Variants in MMD2 observed in about 807,000 individuals in gnomAD.
MMD2 encodes the protein monocyte to macrophage differentiation associated 2.
Under a neutral mutation model 33.5 loss-of-function variants are expected in MMD2, and 30 were observed. The observed-to-expected ratio is 0.90, with a 90% CI of 0.67 to 1.22. The LOEUF (loss-of-function observed/expected upper bound fraction) is 1.22, where lower values mean the gene tolerates loss of function less well. MMD2 is among the 50% of genes most tolerant of loss of function. MMD2 has a pLI of 0.00. For synonymous variants in MMD2, 129 were observed against 123.0 expected (o/e 1.05, Z -0.32); for missense variants, 364 against 325.4 (o/e 1.12, Z -0.91).
chr7:4,920,985 G>C (rs1785268736), intron 2 of MMD2, among the ~76,000 whole-genome samples: 1 of 152,164 alleles, frequency 6.6e-6, no homozygotes, highest in South Asian at 2.1e-4. Context: ...CCAAAGGATT[G>C]GGATTATAGG....
intron 1 of MMD2, among the ~76,000 whole-genome samples, chr7:4,937,039 A>G (rs1183974029): frequency 2.0e-5 from 3 of 149,100 alleles, no homozygotes; most frequent in African/African-American, 7.4e-5. Context: ...CCCAGCCCAC[A>G]CAGTCTTTAA....
In MMD2 at chr7:4,946,117, G is replaced by A. The variant is rs150167995; in HGVS notation, c.47+12854C>T. Among the ~76,000 whole-genome samples the A allele has an allele frequency of 1.4e-3, 197 of 145,610 alleles. 2 individuals are homozygous for A. The highest frequency in any genetic ancestry group is 4.9e-3 in the African/African-American group (192 of 39,176). On this transcript the variant is annotated intron_variant, in intron 1 of 6. Coordinates refer to ENST00000401401, the MANE Select transcript of MMD2 (RefSeq NM_198403.4). The surrounding 1 kb of genome is among the most constrained non-coding windows in gnomAD (Gnocchi z 5.0). Reference sequence around the variant, plus strand: ...CACACACGCATGCACACGCGCACACGCACGCACACACCTGCACACGCACGC... The same window carrying A: ...CACACACGCATGCACACGCGCACACACACGCACACACCTGCACACGCACGC...
intron 1 of MMD2, among the ~76,000 whole-genome samples, chr7:4,929,310 C>G (rs563206039): frequency 6.6e-6 from 1 of 152,168 alleles, no homozygotes; most frequent in African/African-American, 2.4e-5. Flanking sequence ...ACACCAACCC[C>G]CATCTCCCAC....
chr7:4,913,277 A>T (rs1156546684), intron 4 of MMD2, among the ~76,000 whole-genome samples: 1 of 152,202 alleles, frequency 6.6e-6, no homozygotes, highest in Middle Eastern at 3.2e-3. Context: ...ATCTTTTTTA[A>T]TTAAAAGTAT....
chr7:4,920,626 T>C (rs1480016932), intron 2 of MMD2, among the ~76,000 whole-genome samples: 2 of 149,948 alleles, frequency 1.3e-5, no homozygotes, highest in Admixed American at 1.3e-4. Flanking sequence ...TTTCCTTTCC[T>C]TTTTTTCTTT....
intron 1 of MMD2, among the ~76,000 whole-genome samples, chr7:4,947,339 G>T (rs1023953154): frequency 6.6e-6 from 1 of 152,092 alleles, no homozygotes; most frequent in African/African-American, 2.4e-5. Flanking sequence ...AGCAAAGGGG[G>T]AGCAGGTGTC....
chr7:4,904,363 C>G (rs1784833191), downstream of MMD2, among the ~76,000 whole-genome samples: 1 of 152,144 alleles, frequency 6.6e-6, no homozygotes, highest in Admixed American at 6.5e-5. Flanking sequence ...CAGAGGACAT[C>G]CAGGGTCTGG....
chr7:4,942,305 GC>G (rs1469667754), intron 1 of MMD2, among the ~76,000 whole-genome samples: 1 of 150,078 alleles, frequency 6.7e-6, no homozygotes, highest in East Asian at 2.0e-4. Context: ...TTGCCATGTT[GC>G]CCAGGCTGTT....
chr7:4,899,431 C>T, the MMD2 span, among the ~76,000 whole-genome samples: 25 of 152,006 alleles, frequency 1.6e-4, no homozygotes, highest in South Asian at 6.2e-4. Flanking sequence ...CTTTGTCGCC[C>T]AGGCTGGAGT....
chr7:4,913,264 C>T (rs916096069), intron 4 of MMD2, among the ~76,000 whole-genome samples: 11 of 152,264 alleles, frequency 7.2e-5, no homozygotes, highest in South Asian at 2.1e-4. Context: ...TAAAGTTATA[C>T]ACATCTTTTT....
chr7:4,900,996 C>G (rs548371860), downstream of MMD2, among the ~76,000 whole-genome samples: 1 of 150,818 alleles, frequency 6.6e-6, no homozygotes, highest in African/African-American at 2.4e-5. Context: ...AAAAATTAGC[C>G]GGGTATGGTG....
At chr7:4,950,245 T>C (rs1464651375) in intron 1 of MMD2, among the ~76,000 whole-genome samples, 1 of 152,058 alleles carries the variant, frequency 6.6e-6, no homozygotes, top group Non-Finnish European at 1.5e-5. Flanking sequence ...ATTACAGGCA[T>C]GCACCACCAG....
intron 1 of MMD2, among the ~76,000 whole-genome samples, chr7:4,941,761 G>T (rs1785918903): frequency 6.6e-6 from 1 of 151,466 alleles, no homozygotes; most frequent in Non-Finnish European, 1.5e-5. Context: ...TAGGTAAATT[G>T]CATGTCACGG....
intron 1 of MMD2, among the ~76,000 whole-genome samples, chr7:4,933,189 C>T (rs968437659): frequency 6.6e-6 from 1 of 151,854 alleles, no homozygotes; most frequent in African/African-American, 2.4e-5. Context: ...TAGCAAGACC[C>T]GGTCTCTACA....
At chr7:4,901,522 C>T (rs538489251), downstream of MMD2, among the ~76,000 whole-genome samples, 1 of 152,342 alleles carries the variant, frequency 6.6e-6, no homozygotes, top group South Asian at 2.1e-4. Context: ...GGATCATAAT[C>T]TCCATTTTAT....
chr7:4,919,838 A>G (rs1234333077), intron 3 of MMD2, among the ~76,000 whole-genome samples: 1 of 151,084 alleles, frequency 6.6e-6, no homozygotes, highest in African/African-American at 2.4e-5. Context: ...GGAGGTTGCA[A>G]TGAGCTGAGA....
At chr7:4,916,849 T>C (rs1352883221) in intron 3 of MMD2, among the ~76,000 whole-genome samples, 1 of 152,014 alleles carries the variant, frequency 6.6e-6, no homozygotes, top group African/African-American at 2.4e-5. Flanking sequence ...GGCAAGAGAA[T>C]TGCTTGAGCT....
intron 1 of MMD2, among the ~76,000 whole-genome samples, chr7:4,952,385 C>A (rs1786268711): frequency 6.6e-6 from 1 of 152,198 alleles, no homozygotes; most frequent in South Asian, 2.1e-4. Flanking sequence ...CCTATTTCTC[C>A]CTGCATATTG....
intron 1 of MMD2, among the ~76,000 whole-genome samples, chr7:4,929,420 A>G (rs919537171): frequency 6.6e-6 from 1 of 152,108 alleles, no homozygotes; most frequent in African/African-American, 2.4e-5. Context: ...CCCCCCCAGG[A>G]GCCCAGAACA....
Sources: gnomAD v4.1 joint callset for allele counts (sites outside exome capture counted in the v4.1 genomes callset) on GRCh38, gnomAD v4.1.1 for gene constraint, Gnocchi (gnomAD v3.1) non-coding constraint, MANE v1.5 for transcripts, NCBI Gene and HGNC (gene_info 2026-07-23, HGNC 2026-07-21) for gene names.